The following MAGI2 variants were observed in gnomAD, a reference collection of about 807,000 sequenced individuals.
MAGI2 encodes membrane-associated guanylate kinase, WW and PDZ domain-containing protein 2.
MAGI2 carries 35 observed loss-of-function variants against 133.3 expected under a neutral mutation model. The ratio of observed to expected loss-of-function variants is 0.26; its 90% CI spans 0.20 to 0.35. The LOEUF (loss-of-function observed/expected upper bound fraction) is 0.35. Ranked by LOEUF, MAGI2 falls within the 10% of genes least tolerant of loss-of-function variation. The pLI, the probability that MAGI2 is intolerant of heterozygous loss-of-function variation, is 1.00. For missense variants in MAGI2, 1,636 were observed against 1,863.4 expected (o/e 0.88, Z 2.25); for synonymous variants, 729 against 710.6 (o/e 1.03, Z -0.41).
At chr7:79,171,128 T>G (rs1825499821) in intron 1 of MAGI2, among the ~76,000 whole-genome samples, 2 of 152,134 alleles carry the variant, frequency 1.3e-5, no homozygotes, top group Non-Finnish European at 1.5e-5. Context: ...GGCTTGGAAC[T>G]GCAGAAATTT....
At chr7:78,922,756 AG>A (rs1407244514) in intron 2 of MAGI2, among the ~76,000 whole-genome samples, 7 of 151,974 alleles carry the variant, frequency 4.6e-5, no homozygotes, top group African/African-American at 1.7e-4. Context: ...TAGATCCCTG[AG>A]GAATCGCTAC....
chr7:79,213,769 G>A (rs1362084543), intron 1 of MAGI2, among the ~76,000 whole-genome samples: 1 of 151,972 alleles, frequency 6.6e-6, no homozygotes, highest in Non-Finnish European at 1.5e-5. Context: ...CGGCTACCCA[G>A]CCCTTTTTTC....
At chr7:79,018,414 G>A (rs1235101666) in intron 1 of MAGI2, among the ~76,000 whole-genome samples, 2 of 152,124 alleles carry the variant, frequency 1.3e-5, no homozygotes, top group African/African-American at 4.8e-5. Context: ...TTATGAAAAG[G>A]ACAAACTGTT....
Position 78,468,028 on chromosome 7 carries a change from C to G in MAGI2, c.1045+21733G>C, listed in dbSNP as rs139028501. On this transcript the variant is annotated intron_variant, in intron 6 of 21. Transcript: ENST00000354212. ...GGAGGGAAAAGTTTTCACTGCTTAT[C>G]ATTTTGGGCCATTAACAACTTACCT... Among the ~76,000 whole-genome samples, 392 of 152,080 alleles carry G rather than the reference C, an allele frequency of 2.6e-3. 3 individuals are homozygous for G. The highest frequency in any genetic ancestry group is 9.1e-3 in the African/African-American group (378 of 41,506).
chr7:79,133,304 C>T (rs941071351), intron 1 of MAGI2, among the ~76,000 whole-genome samples: 22 of 152,120 alleles, frequency 1.4e-4, no homozygotes, highest in African/African-American at 5.3e-4. Flanking sequence ...AGTCTTTGAT[C>T]CATCATGAGC....
At chr7:79,429,303 CTTTT>C in intron 1 of MAGI2, among the ~76,000 whole-genome samples, 1 of 148,044 alleles carries the variant, frequency 6.8e-6, no homozygotes, top group African/African-American at 2.5e-5. Context: ...TTAATTTCTA[CTTTT>C]TTTTTTGTTT....
intron 6 of MAGI2, among the ~76,000 whole-genome samples, chr7:78,464,155 C>T (rs762792223): frequency 4.6e-5 from 7 of 152,208 alleles, no homozygotes; most frequent in Middle Eastern, 3.4e-3. Context: ...TCATTATCCT[C>T]GGAGCATTTC....
At chr7:79,317,019 C>CTTTTTTTTT (rs58130248) in intron 1 of MAGI2, among the ~76,000 whole-genome samples, 15 of 101,730 alleles carry the variant, frequency 1.5e-4, no homozygotes, top group Non-Finnish European at 2.6e-4. Context: ...TTTTCTTTTT[C>CTTTTTTTTT]TTTTTTTTTT....
chr7:78,741,215 A>G (rs1822386457), intron 2 of MAGI2, among the ~76,000 whole-genome samples: 1 of 152,104 alleles, frequency 6.6e-6, no homozygotes, highest in Non-Finnish European at 1.5e-5. Context: ...TAATCTAAGA[A>G]GCTTCATAGA....
chr7:78,863,990 T>C (rs1794354629), intron 2 of MAGI2, among the ~76,000 whole-genome samples: 1 of 152,208 alleles, frequency 6.6e-6, no homozygotes, highest in Non-Finnish European at 1.5e-5. Context: ...AAGTACAGTG[T>C]TCATTTGATG....
chr7:78,541,437 G>C (rs1399746699), intron 3 of MAGI2, among the ~76,000 whole-genome samples: 1 of 152,088 alleles, frequency 6.6e-6, no homozygotes, highest in Non-Finnish European at 1.5e-5. Flanking sequence ...AACAACACTG[G>C]CATATGGTCA....
intron 20 of MAGI2, among the ~76,000 whole-genome samples, chr7:78,109,186 C>A (rs1043003773): frequency 1.3e-5 from 2 of 149,702 alleles, no homozygotes; most frequent in Non-Finnish European, 3.0e-5. Flanking sequence ...CGCCTGTAGT[C>A]CCAGCTACTC....
intron 6 of MAGI2, among the ~76,000 whole-genome samples, chr7:78,478,762 T>C (rs1010261601): frequency 2.0e-5 from 3 of 151,842 alleles, no homozygotes. Context: ...CCACAGCAAA[T>C]GTGTAGGATT....
chr7:78,407,139 T>C (rs1431568464), intron 6 of MAGI2, among the ~76,000 whole-genome samples: 2 of 152,050 alleles, frequency 1.3e-5, no homozygotes, highest in African/African-American at 2.4e-5. Flanking sequence ...GAAGTAAGTC[T>C]TCCACAAACT....
chr7:79,150,756 A>T (rs911156526), intron 1 of MAGI2, among the ~76,000 whole-genome samples: 1 of 151,976 alleles, frequency 6.6e-6, no homozygotes, highest in Non-Finnish European at 1.5e-5. Context: ...TCAAGCTTGA[A>T]ATAAATTTGT....
At chr7:78,832,679 C>T (rs938542411) in intron 2 of MAGI2, among the ~76,000 whole-genome samples, 2 of 152,142 alleles carry the variant, frequency 1.3e-5, no homozygotes, top group Non-Finnish European at 2.9e-5. Flanking sequence ...AAGGAGACCC[C>T]TGAAACTATT....
intron 1 of MAGI2, among the ~76,000 whole-genome samples, chr7:79,228,354 C>CAAAAAGAAAAAAAAAAAAA (rs1831047091): frequency 3.2e-5 from 1 of 31,438 alleles, no homozygotes; most frequent in Non-Finnish European, 7.9e-5. Context: ...AAAAAACAGG[C>CAAAAAGAAAAAAAAAAAAA]AAAAAAAAAA....
At chr7:78,345,745 G>C (rs940659027) in intron 8 of MAGI2, among the ~76,000 whole-genome samples, 177 bp downstream of exon 8, 2 of 152,152 alleles carry the variant, frequency 1.3e-5, no homozygotes, top group Admixed American at 6.5e-5. Context: ...CTTCATCTGC[G>C]GTTGCTAAAG....
intron 1 of MAGI2, among the ~76,000 whole-genome samples, chr7:79,045,210 C>T (rs922943426): frequency 2.0e-5 from 3 of 152,020 alleles, no homozygotes; most frequent in African/African-American, 7.2e-5. Context: ...CAGTGGCTTC[C>T]TAGGGGTGAG....
Sources: allele counts gnomAD v4.1 joint callset (sites outside exome capture counted in the v4.1 genomes callset), GRCh38; gene constraint gnomAD v4.1.1; transcripts MANE v1.5; gene names NCBI Gene and HGNC (gene_info 2026-07-23, HGNC 2026-07-21).